Variants in CCDC88C observed in about 807,000 individuals in gnomAD.
CCDC88C encodes the protein protein Daple.
A neutral mutation model predicts 198.8 loss-of-function variants in CCDC88C; 131 were observed. The ratio of observed to expected loss-of-function variants is 0.66; its 90% CI spans 0.57 to 0.76. The LOEUF (loss-of-function observed/expected upper bound fraction) is 0.76, where lower values mean the gene tolerates loss of function less well. Ranked by LOEUF, CCDC88C falls within the 30% of genes least tolerant of loss-of-function variation. The pLI, the probability that CCDC88C is intolerant of heterozygous loss-of-function variation, is 0.00. For synonymous variants in CCDC88C, 1,166 were observed against 1,114.7 expected, an observed-to-expected ratio of 1.05 and a Z score of -0.92; for missense variants, 2,553 against 2,631.6, an observed-to-expected ratio of 0.97 and a Z score of 0.65.
chr14:91,353,860 T>C (rs542727406), intron 4 of CCDC88C, among the ~76,000 whole-genome samples: 1 of 152,302 alleles, frequency 6.6e-6, no homozygotes, highest in South Asian at 2.1e-4. Context: ...CAGGACCCTG[T>C]AGGGTGTGCA....
chr14:91,296,198 C>A (rs1000558512), intron 22 of CCDC88C, among the ~76,000 whole-genome samples: 9 of 152,168 alleles, frequency 5.9e-5, no homozygotes, highest in Admixed American at 2.0e-4. Context: ...GAACCCCTCC[C>A]CAAAAGCCAC....
intron 27 of CCDC88C, 76 bp from the exon 28 acceptor site, chr14:91,279,382 G>C: frequency 7.9e-7 from 1 of 1,261,690 alleles, no homozygotes; most frequent in Non-Finnish European, 1.1e-6. Context: ...TAAGAAAAAC[G>C]ATGCAGCAAA....
At position 91,339,105 on chromosome 14, in the gene CCDC88C, AG is replaced by A; in HGVS notation, c.809+172del. On this transcript the variant is annotated intron_variant, in intron 8 of 29. Transcript: ENST00000389857. The surrounding 1 kb of genome is among the most constrained non-coding windows in gnomAD (Gnocchi z 5.8). ...CCGCCCCCATCCCTGTGCAGGCCTC[AG>A]AAGGGGAGGCAGCTAGTCCGAGGTC... 1 of 755,756 alleles carries A rather than the reference AG, an allele frequency of 1.3e-6. No individual in the cohort carries two copies. The highest frequency in any genetic ancestry group is 2.0e-5 in the Admixed American group (1 of 49,612). The allele number at this position is 755,756 out of a possible 1,614,324, so 46.8% of individuals were successfully genotyped here.
chr14:91,285,340 A>C, intron 25 of CCDC88C: 1 of 431,168 alleles, frequency 2.3e-6, no homozygotes, highest in Non-Finnish European at 4.7e-6. Flanking sequence ...CACACGGGCA[A>C]AACATAAGCT....
intron 10 of CCDC88C, among the ~76,000 whole-genome samples, chr14:91,334,660 G>C (rs1892975149): frequency 6.6e-6 from 1 of 152,200 alleles, no homozygotes; most frequent in South Asian, 2.1e-4. Flanking sequence ...TGAAAAACCT[G>C]GATTTTCATA....
chr14:91,390,400 G>C (rs1040219282), intron 3 of CCDC88C, among the ~76,000 whole-genome samples: 1 of 152,208 alleles, frequency 6.6e-6, no homozygotes, highest in Non-Finnish European at 1.5e-5. Flanking sequence ...CTCACTCAGT[G>C]CAACACCGAA....
At chr14:91,302,700 C>A (rs779286068) in intron 20 of CCDC88C, among the ~76,000 whole-genome samples, 1 of 152,148 alleles carries the variant, frequency 6.6e-6, no homozygotes, top group Non-Finnish European at 1.5e-5. Context: ...GTCGAGAGTG[C>A]ATGATGCATA....
chr14:91,308,538 C>T, intron 16 of CCDC88C, 46 bp from the exon 17 acceptor site: 4 of 1,589,428 alleles, frequency 2.5e-6, no homozygotes, highest in Non-Finnish European at 3.4e-6. Context: ...TACTTCCTCT[C>T]CGCAAGTTCC....
chr14:91,357,436 A>G (rs1178329416), intron 4 of CCDC88C, among the ~76,000 whole-genome samples: 2 of 152,196 alleles, frequency 1.3e-5, no homozygotes, highest in South Asian at 2.1e-4. Flanking sequence ...TATTTTTTGT[A>G]GAACTAGTGT....
chr14:91,273,472 G>T lies in CCDC88C; in HGVS notation c.5240C>A (p.Pro1747His). The change falls in exon 30 of 30, where the codon CCC becomes CAC. Residue 1747 changes from proline (P) to histidine (H), a missense_variant. Pro to His is a moderately conservative substitution (Grantham distance 77). Coordinates refer to ENST00000389857, the MANE Select transcript of CCDC88C (RefSeq NM_001080414.4). The surrounding 1 kb of genome is among the most constrained non-coding windows in gnomAD (Gnocchi z 5.6). The part of the protein sequence containing the change: ...APTSEGRPLK[P>H]GQYVKPNFRL... ...GAAGTTTGGCTTTACGTACTGCCCG[G>T]GCTTCAGCGGCCTCCCCTCCGAGGT... 5 of 1,573,420 alleles carry T rather than the reference G, an allele frequency of 3.2e-6. No homozygotes were observed. The highest frequency in any genetic ancestry group is 1.2e-5 in the South Asian group (1 of 85,984).
chr14:91,339,312 T>C lies in CCDC88C; in HGVS notation c.775A>G (p.Thr259Ala), dbSNP rs1567085773. 6.2e-7 allele frequency: 1 copy of C among 1,613,348 alleles called. No individual in the cohort carries two copies. Among genetic ancestry groups the C allele is most frequent in the Non-Finnish European group, 8.5e-7 (1 of 1,179,860 alleles). Residue 259 changes from threonine to alanine, a missense_variant, in exon 8 of 30, where the codon ACC becomes GCC. Coordinates refer to ENST00000389857, the MANE Select transcript of CCDC88C (RefSeq NM_001080414.4). The surrounding 1 kb of genome is among the most constrained non-coding windows in gnomAD (Gnocchi z 5.8). ...CTGACGCGCCGCAGCCTGGCCTTGG[T>C]GTCGGCCAGCTCTACGGCCAGGTGC... ...KQHLAVELAD[T>A]KARLRRVRQE...
rs199730476 is a variant in CCDC88C, at chr14:91,273,600, G to A, written c.5112C>T (p.Ser1704=). The part of the protein sequence containing the change: ...DLLSDYFRKA[S]DPPAIGGQPG... ...GTTGGCCTCCGATGGCTGGGGGATC[G>A]CTGGCCTTTCGGAAGTAGTCACTCA... The change falls in exon 30 of 30, where the codon AGC becomes AGT. Residue 1704 remains serine, a synonymous_variant. Coordinates refer to ENST00000389857, the MANE Select transcript of CCDC88C (RefSeq NM_001080414.4). This position sits in a 1 kb window ranked among gnomAD's most constrained non-coding sequence, Gnocchi z 5.6. 1.4e-4 allele frequency: 211 copies of A among 1,493,422 alleles called. No individual in the cohort carries two copies. Among genetic ancestry groups the A allele is most frequent in the East Asian group, 1.0e-3 (44 of 42,308 alleles). 92.5% of individuals were successfully genotyped at this position (1,493,422 alleles called of 1,614,324 possible). A position where few individuals can be genotyped will look rare whatever the true frequency, so the allele number is the denominator to read the frequency against.
intron 29 of CCDC88C, 42 bp downstream of exon 29, chr14:91,277,880 G>C: frequency 6.9e-7 from 1 of 1,456,498 alleles, no homozygotes; most frequent in South Asian, 1.5e-5. Context: ...AAGAGACAGA[G>C]AGGGAAGAGA....
chr14:91,417,302 C>T (rs1282138848), intron 1 of CCDC88C: 3 of 664,708 alleles, frequency 4.5e-6, no homozygotes, highest in Non-Finnish European at 8.2e-6. Context: ...TGGCTAAACC[C>T]CAGGGACAGG....
rs1444883979 is a variant in CCDC88C, at chr14:91,271,978, C to G, written c.*647G>C. The stretch of plus-strand genomic sequence containing the variant: ...ACCCCCTGGTGCAGAGCTCAGGAGC[C>G]AGCTGGAGGCTGGGGGCAAATGGCC... On this transcript the variant is annotated 3_prime_UTR_variant, in exon 30 of 30. Transcript: ENST00000389857. The G allele has an allele frequency of 6.5e-6, 1 of 152,790 alleles. No individual in the cohort carries two copies. The highest frequency in any genetic ancestry group is 1.5e-5 in the Non-Finnish European group (1 of 68,132). 9.5% of individuals were successfully genotyped at this position (152,790 alleles called of 1,614,324 possible). A position where few individuals can be genotyped will look rare whatever the true frequency, so the allele number is the denominator to read the frequency against.
intron 3 of CCDC88C, among the ~76,000 whole-genome samples, chr14:91,401,840 T>C (rs1886222963): frequency 6.6e-6 from 1 of 152,216 alleles, no homozygotes; most frequent in South Asian, 2.1e-4. Flanking sequence ...GAGTGGACTC[T>C]AAGTTCCCTT....
chr14:91,330,170 G>GA (rs1261512248), intron 10 of CCDC88C, among the ~76,000 whole-genome samples: 1 of 152,242 alleles, frequency 6.6e-6, no homozygotes, highest in African/African-American at 2.4e-5. Context: ...AAACAGACAG[G>GA]AAAGTGCCAC....
At chr14:91,412,781 T>G (rs1886856156) in intron 2 of CCDC88C, among the ~76,000 whole-genome samples, 1 of 152,192 alleles carries the variant, frequency 6.6e-6, no homozygotes, top group African/African-American at 2.4e-5. Context: ...TGTCATATAC[T>G]GCAGCCAAAA....
intron 3 of CCDC88C, among the ~76,000 whole-genome samples, chr14:91,396,327 GT>G (rs1012437056): frequency 1.3e-5 from 2 of 152,168 alleles, no homozygotes; most frequent in African/African-American, 4.8e-5. Context: ...AGAAACCTCT[GT>G]TTTTTCTTTT....
Sources: allele counts gnomAD v4.1 joint callset (sites outside exome capture counted in the v4.1 genomes callset), GRCh38; gene constraint gnomAD v4.1.1; non-coding constraint Gnocchi (gnomAD v3.1); transcripts MANE v1.5; gene names NCBI Gene and HGNC (gene_info 2026-07-23, HGNC 2026-07-21).